The following RIMBP2 variants were observed in gnomAD, a reference collection of about 807,000 sequenced individuals.
The protein encoded by RIMBP2 is RIMS binding protein 2.
Under a neutral mutation model 118.6 loss-of-function variants are expected in RIMBP2, and 48 were observed. The observed-to-expected ratio is 0.40, with a 90% CI of 0.32 to 0.51. The LOEUF (loss-of-function observed/expected upper bound fraction) is 0.51. Among genes scored for constraint, RIMBP2 ranks in the 20% least tolerant of loss-of-function variants. The probability of loss-of-function intolerance (pLI) is 0.41; values close to 1 mark genes in which losing one functional copy is unlikely to be tolerated. For missense variants in RIMBP2, 1,551 were observed against 1,768.3 expected, an observed-to-expected ratio of 0.88 and a Z score of 2.20; for synonymous variants, 762 against 742.9, an observed-to-expected ratio of 1.03 and a Z score of -0.42.
Position 130,428,213 on chromosome 12 carries a change from C to A in RIMBP2, c.2378G>T (p.Arg793Met), listed in dbSNP as rs1276794892. The change falls in exon 15 of 23, where the codon AGG (arginine) becomes ATG (methionine). Residue 793 changes from arginine (R) to methionine (M), a missense_variant. Transcript: ENST00000690449. ...ATTGTGGGACGTGCCGCTGGGCCGC[C>A]TCCTTCCCCCATCTTCCAGCTGCAT... is the stretch of plus-strand genomic sequence containing the variant. ...SEMQLEDGGR[R>M]RPSGTSHNAL... 1.4e-5 allele frequency: 22 copies of A among 1,613,154 alleles called. No individual in the cohort carries two copies. The highest frequency in any genetic ancestry group is 1.8e-5 in the Non-Finnish European group (21 of 1,179,598).
intron 4 of RIMBP2, among the ~76,000 whole-genome samples, chr12:130,504,514 G>C (rs746163191): frequency 1.4e-4 from 21 of 152,162 alleles, no homozygotes; most frequent in Non-Finnish European, 2.4e-4. Flanking sequence ...CGCCGGCTTT[G>C]AAGGTGGAGC....
chr12:130,435,822 T>TG (rs2077471128), intron 13 of RIMBP2, among the ~76,000 whole-genome samples: 2 of 152,092 alleles, frequency 1.3e-5, no homozygotes, highest in African/African-American at 2.4e-5. Context: ...GAGGACGGGG[T>TG]GGGGGCGGAA....
intron 6 of RIMBP2, among the ~76,000 whole-genome samples, chr12:130,461,309 C>T (rs2079971057): frequency 6.6e-6 from 1 of 152,196 alleles, no homozygotes; most frequent in Admixed American, 6.5e-5. Context: ...CGTGTGGACA[C>T]AGTCCTGCAC....
chr12:130,559,225 T>C (rs901893959), intron 2 of RIMBP2, among the ~76,000 whole-genome samples: 5 of 152,194 alleles, frequency 3.3e-5, no homozygotes, highest in Non-Finnish European at 7.3e-5. Flanking sequence ...TGCTATTACC[T>C]ATAGGCACCA....
intron 7 of RIMBP2, 110 bp downstream of exon 7, chr12:130,456,386 G>A (rs2079437026): frequency 1.1e-6 from 1 of 896,850 alleles, no homozygotes; most frequent in Non-Finnish European, 1.7e-6. Context: ...GCGGGTCCCT[G>A]TACCCTCTGC....
At chr12:130,453,920 G>C (rs61382800) in intron 7 of RIMBP2, among the ~76,000 whole-genome samples, 17 of 152,152 alleles carry the variant, frequency 1.1e-4, no homozygotes, top group African/African-American at 3.6e-4. Flanking sequence ...CAGGCGCGGC[G>C]GTGCACACCT....
chr12:130,549,265 A>G (rs545687247), intron 2 of RIMBP2, among the ~76,000 whole-genome samples: 6 of 152,342 alleles, frequency 3.9e-5, no homozygotes, highest in South Asian at 4.1e-4. Context: ...CTGGCATCTG[A>G]TGCCCATCCC....
chr12:130,505,274 A>C, intron 4 of RIMBP2, among the ~76,000 whole-genome samples: 1 of 152,092 alleles, frequency 6.6e-6, no homozygotes, highest in Non-Finnish European at 1.5e-5. Context: ...TTCTTTGCTA[A>C]TCGAGATGGC....
chr12:130,404,695 T>C (rs2074998700), intron 21 of RIMBP2, among the ~76,000 whole-genome samples: 1 of 152,226 alleles, frequency 6.6e-6, no homozygotes, highest in Admixed American at 6.5e-5. Context: ...AGGAGGCGCA[T>C]GCTATGTCAG....
At chr12:130,601,530 T>A (rs1566343966) in intron 2 of RIMBP2, among the ~76,000 whole-genome samples, 2 of 152,126 alleles carry the variant, frequency 1.3e-5, no homozygotes, top group Non-Finnish European at 2.9e-5. Flanking sequence ...GTTATTGCAG[T>A]GGTGCTGAGC....
intron 2 of RIMBP2, among the ~76,000 whole-genome samples, chr12:130,582,469 C>A (rs978143416): frequency 6.6e-6 from 1 of 152,220 alleles, no homozygotes; most frequent in Non-Finnish European, 1.5e-5. Flanking sequence ...CACGCCCGCC[C>A]ACCTGCAGTC....
At chr12:130,449,510 G>C (rs2078815915) in intron 9 of RIMBP2, among the ~76,000 whole-genome samples, 1 of 152,060 alleles carries the variant, frequency 6.6e-6, no homozygotes, top group South Asian at 2.1e-4. Flanking sequence ...AGAGGGTGAG[G>C]ATGCGGGAGA....
At position 130,662,757 on chromosome 12, in the gene RIMBP2, A is replaced by G. The variant is rs561173352; in HGVS notation, c.-351-34301T>C. Among the ~76,000 whole-genome samples, 432 of 152,106 alleles carry G rather than the reference A, an allele frequency of 2.8e-3. 2 individuals carry two copies. The highest frequency in any genetic ancestry group is 9.6e-3 in the African/African-American group (399 of 41,486). ...GATTGCTTGAGCCCAGGAGTTTGAG[A>G]CCAGCCTGGGCAACATAGCAAGACC... On this transcript the variant is annotated intron_variant, in intron 1 of 22. Transcript: ENST00000690449.
intron 2 of RIMBP2, among the ~76,000 whole-genome samples, chr12:130,564,299 T>A (rs754965543): frequency 2.8e-5 from 4 of 143,758 alleles, no homozygotes; most frequent in Non-Finnish European, 6.1e-5. Flanking sequence ...CCCTTCCTCC[T>A]TATTTTATTT....
intron 1 of RIMBP2, among the ~76,000 whole-genome samples, chr12:130,654,044 T>C (rs1201856409): frequency 6.6e-6 from 1 of 152,182 alleles, no homozygotes; most frequent in Admixed American, 6.5e-5. Context: ...TCTTGGATAT[T>C]AGCACTTGGG....
At chr12:130,462,198 C>T (rs2080055042) in intron 6 of RIMBP2, among the ~76,000 whole-genome samples, 1 of 152,222 alleles carries the variant, frequency 6.6e-6, no homozygotes, top group African/African-American at 2.4e-5. Context: ...CTCCGACACA[C>T]AGGACGATCC....
At chr12:130,704,964 C>G (rs1451462894) in intron 1 of RIMBP2, among the ~76,000 whole-genome samples, 2 of 152,102 alleles carry the variant, frequency 1.3e-5, no homozygotes, top group Non-Finnish European at 2.9e-5. Flanking sequence ...TGACAAATGA[C>G]AAAAAACTGG....
chr12:130,645,185 C>T (rs2062804091), intron 1 of RIMBP2, among the ~76,000 whole-genome samples: 3 of 151,934 alleles, frequency 2.0e-5, no homozygotes, highest in African/African-American at 7.3e-5. Flanking sequence ...CGTCCACCTC[C>T]CAGGTTCAAG....
At chr12:130,590,355 T>C (rs991731672) in intron 2 of RIMBP2, among the ~76,000 whole-genome samples, 5 of 151,962 alleles carry the variant, frequency 3.3e-5, no homozygotes, top group Admixed American at 2.6e-4. Flanking sequence ...GGAGATAGAC[T>C]CCCCAGGGCC....
Sources: allele counts gnomAD v4.1 joint callset (sites outside exome capture counted in the v4.1 genomes callset), GRCh38; gene constraint gnomAD v4.1.1; transcripts MANE v1.5; gene names NCBI Gene and HGNC (gene_info 2026-07-23, HGNC 2026-07-21).